Variants in WDR90 observed in about 807,000 individuals in gnomAD.
WDR90 encodes the protein WD repeat-containing protein 90.
A neutral mutation model predicts 195.2 loss-of-function variants in WDR90; 238 were observed. The observed-to-expected ratio is 1.22, with a 90% CI of 1.10 to 1.36. The LOEUF (loss-of-function observed/expected upper bound fraction) is 1.36, where lower values mean the gene tolerates loss of function less well. Among genes scored for constraint, WDR90 ranks in the 40% most tolerant of loss-of-function variants. WDR90 has a pLI of 0.00. For synonymous variants in WDR90, 1,265 were observed against 1,052.4 expected (o/e 1.20, Z -3.91); for missense variants, 2,734 against 2,439.5 (o/e 1.12, Z -2.54).
In WDR90 at chr16:661,189, C is replaced by T. The variant is rs966206076; in HGVS notation, c.3513+17C>T. The T allele has an allele frequency of 4.7e-5, 72 of 1,528,952 alleles. No individual in the cohort carries two copies. In the Middle Eastern group the frequency reaches 6.7e-4, roughly 14 times the overall value. 94.7% of individuals were successfully genotyped at this position (1,528,952 alleles called of 1,614,324 possible). On this transcript the variant is annotated intron_variant, in intron 29 of 40. Coordinates refer to ENST00000293879, the MANE Select transcript of WDR90 (RefSeq NM_145294.5). ...AGTGCCCAGGTGCCCGCCTGCATCG[C>T]CCTCCTCCTCTCCCAGGGCCACCGT...
rs766749305 is a variant in WDR90, at chr16:655,907, C to T, written c.1966+18C>T. ...GGAGGCAGGTGATGCTGTGGGCACGCTCTCCCAACTCCGGGAGAGCCTCGC... is the reference window on the plus strand; with the variant it reads ...GGAGGCAGGTGATGCTGTGGGCACGTTCTCCCAACTCCGGGAGAGCCTCGC... On this transcript the variant is annotated intron_variant, in intron 17 of 40. Coordinates refer to ENST00000293879, the MANE Select transcript of WDR90 (RefSeq NM_145294.5). 9.5e-6 allele frequency: 15 copies of T among 1,578,112 alleles called. No individual in the cohort carries two copies. Among genetic ancestry groups the T allele is most frequent in the Non-Finnish European group, 9.4e-6 (11 of 1,166,866 alleles).
chr16:652,149 T>C (rs558660350), intron 9 of WDR90, 110 bp downstream of exon 9: 2 of 1,286,976 alleles, frequency 1.6e-6, no homozygotes, highest in African/African-American at 3.0e-5. Context: ...GGTCTCCTCT[T>C]GTTCAGCCTC....
At chr16:650,897 G>C in intron 5 of WDR90, 98 bp from the exon 6 acceptor site, 1 of 1,500,286 alleles carries the variant, frequency 6.7e-7, no homozygotes, top group Non-Finnish European at 9.2e-7. Context: ...GGGGTGGGGC[G>C]GTGGCTGGGC....
chr16:652,673 C>T lies in WDR90; in HGVS notation c.1122+138C>T, dbSNP rs1451317526. The T allele has an allele frequency of 5.5e-6, 5 of 915,562 alleles. No homozygotes were observed. The South Asian group carries it at 1.0e-4, about 18-fold the overall frequency. The allele number at this position is 915,562 out of a possible 1,614,324, so 56.7% of individuals were successfully genotyped here. A position where few individuals can be genotyped will look rare whatever the true frequency, so the allele number is the denominator to read the frequency against. On this transcript the variant is annotated intron_variant, in intron 10 of 40. Coordinates refer to ENST00000293879, the MANE Select transcript of WDR90 (RefSeq NM_145294.5). The stretch of plus-strand genomic sequence containing the variant: ...CCGAGCCCCCCTGGCACAGCGGTCC[C>T]GTCCCCCTGCAGTCCGCTGCTTCCC...
At chr16:655,233 C>T (rs747609240) in intron 14 of WDR90, 74 bp from the exon 15 acceptor site, 1 of 1,611,972 alleles carries the variant, frequency 6.2e-7, no homozygotes, top group Non-Finnish European at 8.5e-7. Flanking sequence ...CCTGGCTTGG[C>T]TGTGCGTCTC....
In WDR90 at chr16:650,354, C is replaced by T; in HGVS notation, c.380C>T (p.Pro127Leu). The change falls in exon 4 of 41, where the codon CCT becomes CTT. Residue 127 changes from proline to leucine, a missense_variant. Pro to Leu is a moderately conservative substitution (Grantham distance 98). Coordinates refer to ENST00000293879, the MANE Select transcript of WDR90 (RefSeq NM_145294.5). The stretch of plus-strand genomic sequence containing the variant: ...CCCTTGGTCCTGGAGGCCAGGACAC[C>T]TCAGAGAGGTGACACCAAGATGGGG... ...QFPLVLEART[P>L]QRDLVGLAPS... is the part of the protein sequence containing the mutation. 6.2e-7 allele frequency: 1 copy of T among 1,612,186 alleles called. No individual in the cohort carries two copies. The highest frequency in any genetic ancestry group is 8.5e-7 in the Non-Finnish European group (1 of 1,179,346).
At position 658,562 on chromosome 16, in the gene WDR90, C is replaced by T. The variant is rs199831047; in HGVS notation, c.2804C>T (p.Thr935Met). 139 of 1,612,716 alleles carry T rather than the reference C, an allele frequency of 8.6e-5. 1 individual carries two copies. In the African/African-American group the frequency reaches 1.5e-3, roughly 17 times the overall value. ...GVHPEPCPSL[T>M]LSEDARFLLI... ...CACCCTGAGCCCTGCCCCTCCTTGA[C>T]GCTCAGTGAGGACGCCCGCTTCCTG... The change falls in exon 23 of 41, where the codon ACG becomes ATG. Residue 935 changes from threonine (T) to methionine (M), a missense_variant. Transcript: ENST00000293879.
chr16:655,731 G>A (rs779368847), intron 16 of WDR90, 28 bp downstream of exon 16: 4 of 1,583,418 alleles, frequency 2.5e-6, no homozygotes, highest in Non-Finnish European at 3.4e-6. Flanking sequence ...ACGTGGCCAG[G>A]GTGGCAGGGA....
chr16:657,917 C>T (rs1405107122), intron 21 of WDR90, 25 bp downstream of exon 21: 1 of 1,529,422 alleles, frequency 6.5e-7, no homozygotes, highest in Non-Finnish European at 8.8e-7. Flanking sequence ...CTCCTGGGTC[C>T]AGGGAGACTG....
intron 13 of WDR90, 92 bp downstream of exon 13, chr16:653,895 T>A (rs1336241983): frequency 6.7e-7 from 1 of 1,491,150 alleles, no homozygotes; most frequent in Non-Finnish European, 9.2e-7. Context: ...TCCAGCTTCA[T>A]GTGACCCTGG....
chr16:666,611 C>G lies in WDR90; in HGVS notation c.4884+13C>G. Reference sequence around the variant, plus strand: ...TGCCACCACGGAGGTAAACCATGCTCCTGGCACTGTGGGTGGGGCCGGTAC... The same window carrying G: ...TGCCACCACGGAGGTAAACCATGCTGCTGGCACTGTGGGTGGGGCCGGTAC... On this transcript the variant is annotated intron_variant, in intron 38 of 40. Coordinates refer to ENST00000293879, the MANE Select transcript of WDR90 (RefSeq NM_145294.5). The G allele has an allele frequency of 1.2e-6, 2 of 1,612,070 alleles. No homozygotes were observed. The highest frequency in any genetic ancestry group is 8.5e-7 in the Non-Finnish European group (1 of 1,179,516).
Position 656,084 on chromosome 16 carries a change from G to C in WDR90, c.1966+195G>C, listed in dbSNP as rs1356912916. The C allele has an allele frequency of 7.8e-6, 6 of 773,508 alleles. No individual in the cohort carries two copies. The African/African-American group carries it at 8.8e-5, about 11-fold the overall frequency. The allele number at this position is 773,508 out of a possible 1,614,324, so 47.9% of individuals were successfully genotyped here. A position where few individuals can be genotyped will look rare whatever the true frequency, so the allele number is the denominator to read the frequency against. On this transcript the variant is annotated intron_variant, in intron 17 of 40. Coordinates refer to ENST00000293879, the MANE Select transcript of WDR90 (RefSeq NM_145294.5). Reference sequence around the variant, plus strand: ...CGGCCCGCGGGGCAGCCTCACGGAAGGGCCCGGTGGGACGTGGGTAGTGTG... The same window carrying C: ...CGGCCCGCGGGGCAGCCTCACGGAACGGCCCGGTGGGACGTGGGTAGTGTG...
rs1355138437 is a variant in WDR90 at position 667,000 on chromosome 16, G to A, written c.5089+11G>A. The A allele has an allele frequency of 5.7e-6, 9 of 1,584,248 alleles. No homozygotes were observed. In the South Asian group the frequency reaches 6.9e-5, roughly 12 times the overall value. ...CTGTTGGCTTTGCTGGTGAGTGCTG[G>A]TGGATGCAGTTTGGGCCTGTCTTAG... On this transcript the variant is annotated intron_variant, in intron 40 of 40. Transcript: ENST00000293879.
chr16:652,023 G>C lies in WDR90; in HGVS notation c.1037G>C (p.Arg346Pro), dbSNP rs749304920. ...THESAEVPVA[R>P]TGSCEGFLPD... is the part of the protein sequence containing the mutation. ...GAGTCGGCTGAGGTGCCCGTGGCCCGCACCGGCTCCTGCGAAGTGAGTGCC... is the reference window on the plus strand; with the variant it reads ...GAGTCGGCTGAGGTGCCCGTGGCCCCCACCGGCTCCTGCGAAGTGAGTGCC... The change falls in exon 9 of 41, where the codon CGC becomes CCC. Residue 346 changes from arginine to proline, a missense_variant. Transcript: ENST00000293879. The C allele has an allele frequency of 6.3e-7, 1 of 1,597,140 alleles. No homozygotes were observed. Among genetic ancestry groups the C allele is most frequent in the Non-Finnish European group, 8.5e-7 (1 of 1,173,800 alleles).
chr16:661,263 G>A, intron 29 of WDR90, 79 bp from the exon 30 acceptor site: 2 of 1,528,878 alleles, frequency 1.3e-6, no homozygotes, highest in Non-Finnish European at 8.8e-7. Context: ...CACCACCAAA[G>A]ACGGAGCAGA....
intron 23 of WDR90, 100 bp downstream of exon 23, chr16:658,753 G>T: frequency 6.4e-7 from 1 of 1,556,690 alleles, no homozygotes; most frequent in South Asian, 1.2e-5. Flanking sequence ...AGAGCAGAAG[G>T]TGAGGGGTGA....
chr16:666,527 G>A lies in WDR90; in HGVS notation c.4813G>A (p.Ala1605Thr). The A allele has an allele frequency of 1.2e-6, 2 of 1,612,762 alleles. No homozygotes were observed. Among genetic ancestry groups the A allele is most frequent in the Non-Finnish European group, 1.7e-6 (2 of 1,179,966 alleles). The change falls in exon 38 of 41, where the codon GCC (alanine) becomes ACC (threonine). Residue 1605 changes from alanine (A) to threonine (T), a missense_variant. Coordinates refer to ENST00000293879, the MANE Select transcript of WDR90 (RefSeq NM_145294.5). Reference protein sequence around the residue: ...ASGDQRVSVWASDWLRNHCEL... With the variant: ...ASGDQRVSVWTSDWLRNHCEL... ...TGGGGACCAGCGGGTCAGCGTCTGG[G>A]CCTCCGACTGGCTGCGGAACCACTG...
At chr16:662,506 G>A (rs371306185) in intron 33 of WDR90, 173 bp from the exon 34 acceptor site, 188 of 1,183,420 alleles carry the variant, frequency 1.6e-4, no homozygotes, top group East Asian at 1.3e-3. Context: ...TGTCGAGTAC[G>A]GGCATGGGCC....
rs2038066143 is a variant in WDR90 at position 666,659 on chromosome 16, C to T, written c.4885-14C>T. On this transcript the variant is annotated splice_polypyrimidine_tract_variant and intron_variant, in intron 38 of 40. Transcript: ENST00000293879. ...TACCCATCCACCCCACCGCAGCATGCTGCGCCTTTGCAGACTCAGGGCCAC... is the reference window on the plus strand; with the variant it reads ...TACCCATCCACCCCACCGCAGCATGTTGCGCCTTTGCAGACTCAGGGCCAC... 6.2e-7 allele frequency: 1 copy of T among 1,612,096 alleles called. No homozygotes were observed. The highest frequency in any genetic ancestry group is 8.5e-7 in the Non-Finnish European group (1 of 1,179,684).
Sources: allele counts gnomAD v4.1 joint callset, GRCh38; gene constraint gnomAD v4.1.1; transcripts MANE v1.5; gene names NCBI Gene and HGNC (gene_info 2026-07-23, HGNC 2026-07-21).